EWSR1: variants seen among roughly 807,000 people sequenced by gnomAD.
The protein encoded by EWSR1 is RNA-binding protein EWS.
EWSR1 carries 14 observed loss-of-function variants against 92.1 expected under a neutral mutation model. The ratio of observed to expected loss-of-function variants is 0.15; its 90% CI spans 0.10 to 0.24. EWSR1 has a LOEUF of 0.24. EWSR1 is among the 10% of genes least tolerant of loss of function. EWSR1 has a pLI of 1.00. For synonymous variants in EWSR1, 303 were observed against 292.9 expected (o/e 1.03, Z -0.35); for missense variants, 637 against 870.9 (o/e 0.73, Z 3.38).
chr22:29,296,178 G>A, intron 11 of EWSR1, 61 bp from the exon 12 acceptor site: 1 of 1,541,356 alleles, frequency 6.5e-7, no homozygotes, highest in Non-Finnish European at 8.8e-7. Flanking sequence ...ATTTTGCCTG[G>A]ACTTTTTTCT....
intron 6 of EWSR1, among the ~76,000 whole-genome samples, chr22:29,285,044 C>G (rs1355985088): frequency 6.6e-6 from 1 of 150,912 alleles, no homozygotes; most frequent in Non-Finnish European, 1.5e-5. Context: ...GTCTCGAACC[C>G]CTGACCTCAG....
At chr22:29,297,720 GATTACAGGCAGACCTAAT>G in intron 12 of EWSR1, 89 bp from the exon 13 acceptor site, 1 of 1,433,706 alleles carries the variant, frequency 7.0e-7, no homozygotes, top group South Asian at 1.3e-5. Context: ...TCTTAGAGAA[GATTACAGGCAGACCTAAT>G]GCATCTGGGA....
At chr22:29,294,566 C>G (rs1011143382) in intron 11 of EWSR1, among the ~76,000 whole-genome samples, 1 of 147,660 alleles carries the variant, frequency 6.8e-6, no homozygotes, top group African/African-American at 2.5e-5. Context: ...GATGGCGCCA[C>G]TGCATTCCAG....
intron 4 of EWSR1, 29 bp downstream of exon 4, chr22:29,273,893 G>T (rs371252895): frequency 6.9e-5 from 111 of 1,612,698 alleles, no homozygotes; most frequent in Non-Finnish European, 9.2e-5. Context: ...AGATTTTTGG[G>T]TCGTTCTGGC....
chr22:29,270,110 A>G (rs925019183), intron 1 of EWSR1, among the ~76,000 whole-genome samples: 1 of 152,192 alleles, frequency 6.6e-6, no homozygotes, highest in African/African-American at 2.4e-5. Flanking sequence ...AATTTGTCCT[A>G]TGCTGACTTC....
In EWSR1 at chr22:29,273,724, GTT is replaced by G; in HGVS notation, c.103-9_103-8del. 6.5e-7 allele frequency: 1 copy of G among 1,546,298 alleles called. No individual in the cohort carries two copies. Among genetic ancestry groups the G allele is most frequent in the Non-Finnish European group, 8.8e-7 (1 of 1,139,024 alleles). On this transcript the variant is annotated splice_polypyrimidine_tract_variant and intron_variant, in intron 3 of 16. Transcript: ENST00000397938. ...GTTCATGTATGAAGTTCTTGCATTCGTTTTTTTTTGGAGCAGGCATATGGGCA... is the reference window on the plus strand; with the variant it reads ...GTTCATGTATGAAGTTCTTGCATTCGTTTTTTTGGAGCAGGCATATGGGCA...
intron 5 of EWSR1, among the ~76,000 whole-genome samples, chr22:29,281,409 TC>T (rs131181): frequency 1 from 152,200 of 152,200 alleles, 76,100 homozygotes; most frequent in Non-Finnish European, 1. Flanking sequence ...GCCCCAGCAG[TC>T]CCTCCCACCT....
At chr22:29,269,328 T>C (rs2058449878) in intron 1 of EWSR1, 1 of 152,190 alleles carries the variant, frequency 6.6e-6, no homozygotes, top group Admixed American at 6.5e-5. Flanking sequence ...AAAAGGCCAG[T>C]AGAAGCAATC....
At chr22:29,289,314 GTT>G in intron 8 of EWSR1, 1 of 230,644 alleles carries the variant, frequency 4.3e-6, no homozygotes, top group Non-Finnish European at 8.6e-6. Flanking sequence ...ATTACATAGA[GTT>G]TGGATGGAGC....
At chr22:29,279,691 G>A (rs978633565) in intron 5 of EWSR1, among the ~76,000 whole-genome samples, 1 of 152,214 alleles carries the variant, frequency 6.6e-6, no homozygotes, top group Admixed American at 6.5e-5. Flanking sequence ...AATTAGCTCT[G>A]ACAAACACTC....
intron 14 of EWSR1, 139 bp from the exon 15 acceptor site, chr22:29,299,095 C>T: frequency 6.6e-7 from 1 of 1,519,686 alleles, no homozygotes; most frequent in African/African-American, 1.4e-5. Context: ...GGGTGCAATG[C>T]TGCCTGAGGC....
chr22:29,277,530 C>T, intron 4 of EWSR1: 1 of 228,166 alleles, frequency 4.4e-6, no homozygotes, highest in Non-Finnish European at 8.7e-6. Flanking sequence ...AATTACTACC[C>T]AAATTACAGG....
At chr22:29,280,157 A>G (rs988234424) in intron 5 of EWSR1, among the ~76,000 whole-genome samples, 2 of 151,922 alleles carry the variant, frequency 1.3e-5, no homozygotes, top group South Asian at 4.1e-4. Context: ...TGCACCCACC[A>G]CCCAGGTTCA....
chr22:29,284,148 T>G lies in EWSR1; in HGVS notation c.581+1591T>G, dbSNP rs56678071. On this transcript the variant is annotated intron_variant, in intron 6 of 16. Coordinates refer to ENST00000397938, the MANE Select transcript of EWSR1 (RefSeq NM_005243.4). ...TGCGCCTGGCCCAGTTTTTGTATTT[T>G]TAGTAGATACAGGGTTTCACAATGT... is the stretch of plus-strand genomic sequence containing the variant. 5.7e-3 allele frequency among the ~76,000 whole-genome samples: 857 copies of G among 151,392 alleles called. 73 individuals carry two copies. The highest frequency in any genetic ancestry group is 0.02 in the African/African-American group (818 of 40,648).
intron 7 of EWSR1, among the ~76,000 whole-genome samples, chr22:29,287,606 G>A (rs2060144487): frequency 6.6e-6 from 1 of 152,112 alleles, no homozygotes; most frequent in Non-Finnish European, 1.5e-5. Flanking sequence ...CTAACATCTT[G>A]GATGCCCCAG....
intron 6 of EWSR1, among the ~76,000 whole-genome samples, chr22:29,283,134 T>C (rs1161348648): frequency 1.3e-5 from 2 of 152,214 alleles, no homozygotes; most frequent in Non-Finnish European, 2.9e-5. Flanking sequence ...GTTTCTTCCT[T>C]TTGCTGTTTT....
Position 29,297,872 on chromosome 22 carries a change from A to G in EWSR1, c.1340A>G (p.Lys447Arg), listed in dbSNP as rs973315921. ...AAACTTAAAGTCTCCCTTGCTCGGAAGAAGCCTCCAATGAACAGTATGCGG... is the reference window on the plus strand; with the variant it reads ...AAACTTAAAGTCTCCCTTGCTCGGAGGAAGCCTCCAATGAACAGTATGCGG... ...GSKLKVSLAR[K>R]KPPMNSMRGG... Residue 447 changes from lysine to arginine, a missense_variant, in exon 13 of 17, where the codon AAG (lysine) becomes AGG (arginine). Coordinates refer to ENST00000397938, the MANE Select transcript of EWSR1 (RefSeq NM_005243.4). 1.4e-5 allele frequency: 23 copies of G among 1,614,162 alleles called. No homozygotes were observed. The highest frequency in any genetic ancestry group is 1.9e-5 in the Non-Finnish European group (23 of 1,180,024).
intron 11 of EWSR1, among the ~76,000 whole-genome samples, chr22:29,294,759 C>T (rs1443992959): frequency 2.0e-5 from 3 of 151,776 alleles, no homozygotes; most frequent in Admixed American, 6.6e-5. Context: ...ACTAAAAATA[C>T]AGAAATTAGC....
intron 7 of EWSR1, among the ~76,000 whole-genome samples, chr22:29,287,506 C>G (rs924403133): frequency 1.1e-4 from 16 of 152,194 alleles, no homozygotes; most frequent in Admixed American, 7.9e-4. Context: ...CTGCGCCCAG[C>G]CACGTTTGGA....
Sources: gnomAD v4.1 joint callset for allele counts (sites outside exome capture counted in the v4.1 genomes callset) on GRCh38, gnomAD v4.1.1 for gene constraint, MANE v1.5 for transcripts, NCBI Gene and HGNC (gene_info 2026-07-23, HGNC 2026-07-21) for gene names.